The following UGT1A6 variants were observed in gnomAD, a reference collection of about 807,000 sequenced individuals.
UGT1A6 encodes the protein UDP-glucuronosyltransferase 1A6.
UGT1A6 carries 32 observed loss-of-function variants against 44.4 expected under a neutral mutation model. The ratio of observed to expected loss-of-function variants is 0.72; its 90% CI spans 0.54 to 0.97. The LOEUF is 0.97. Among genes scored for constraint, UGT1A6 ranks in the 50% least tolerant of loss-of-function variants. UGT1A6 has a pLI of 0.00. For missense variants in UGT1A6, 685 were observed against 661.9 expected (o/e 1.03, Z -0.38); for synonymous variants, 238 against 248.5 (o/e 0.96, Z 0.40).
At position 233,693,127 on chromosome 2, in the gene UGT1A6, T is replaced by A. The variant is rs779383196; in HGVS notation, c.123T>A (p.Ser41Arg). ...VVPQDGSHWLSMKDIVEVLSD... is the reference protein window; with the variant it reads ...VVPQDGSHWLRMKDIVEVLSD... Reference sequence around the variant, plus strand: ...CTCAGGACGGAAGCCACTGGCTTAGTATGAAGGATATAGTTGAGGTTCTCA... The same window carrying A: ...CTCAGGACGGAAGCCACTGGCTTAGAATGAAGGATATAGTTGAGGTTCTCA... Residue 41 changes from serine to arginine, a missense_variant, in exon 1 of 5, where the codon AGT (serine) becomes AGA (arginine). Ser to Arg is a moderately radical substitution (Grantham distance 110). Coordinates refer to ENST00000305139, the MANE Select transcript of UGT1A6 (RefSeq NM_001072.4). 1 of 1,614,216 alleles carries A rather than the reference T, an allele frequency of 6.2e-7. No individual in the cohort carries two copies. Among genetic ancestry groups the A allele is most frequent in the South Asian group, 1.1e-5 (1 of 91,072 alleles).
chr2:233,693,250 T>C lies in UGT1A6; in HGVS notation c.246T>C (p.Tyr82=), dbSNP rs139492272. The C allele has an allele frequency of 2.5e-6, 4 of 1,614,198 alleles. No individual in the cohort carries two copies. The African/African-American group carries it at 4.0e-5, about 16-fold the overall frequency. Residue 82 remains tyrosine (Y), a synonymous_variant, in exon 1 of 5, where the codon TAT becomes TAC. Coordinates refer to ENST00000305139, the MANE Select transcript of UGT1A6 (RefSeq NM_001072.4). ...CAAGAAAAATCTATCCAGTGCCGTA[T>C]GACCAAGAAGAGCTGAAGAACCGTT... ...YYTRKIYPVP[Y]DQEELKNRYQ...
At chr2:233,710,185 T>A (rs2076116992) in intron 1 of UGT1A6, among the ~76,000 whole-genome samples, 1 of 152,234 alleles carries the variant, frequency 6.6e-6, no homozygotes, top group Admixed American at 6.5e-5. Flanking sequence ...GATGGACATG[T>A]GGATAGTTTC....
intron 1 of UGT1A6, chr2:233,708,298 T>C (rs1286696664): frequency 6.6e-6 from 1 of 152,250 alleles, no homozygotes; most frequent in African/African-American, 2.4e-5. Context: ...CTTTCAGTTT[T>C]TGACAATCCA....
chr2:233,724,284 G>A (rs1369103408), intron 1 of UGT1A6, among the ~76,000 whole-genome samples: 103 of 126,932 alleles, frequency 8.1e-4, no homozygotes, highest in Middle Eastern at 4.7e-3. Context: ...GGCCGGGCGG[G>A]GGGCTGACCC....
chr2:233,759,175 A>G (rs970817812), intron 1 of UGT1A6, among the ~76,000 whole-genome samples: 3 of 152,178 alleles, frequency 2.0e-5, no homozygotes, highest in African/African-American at 7.2e-5. Context: ...GGCAGGTTTC[A>G]CGGCAAAAAG....
chr2:233,756,308 C>T (rs147116295), intron 1 of UGT1A6: 65 of 152,294 alleles, frequency 4.3e-4, no homozygotes, highest in African/African-American at 1.5e-3. Context: ...TATAACCTAC[C>T]CATATCCTCC....
chr2:233,698,174 G>T (rs370008696), intron 1 of UGT1A6, among the ~76,000 whole-genome samples: 2 of 152,246 alleles, frequency 1.3e-5, no homozygotes, highest in South Asian at 4.1e-4. Context: ...AGAACATTCT[G>T]TATTATGATA....
At chr2:233,768,912 T>C (rs923481624) in intron 4 of UGT1A6, among the ~76,000 whole-genome samples, 1 of 152,140 alleles carries the variant, frequency 6.6e-6, no homozygotes, top group African/African-American at 2.4e-5. Context: ...AATTTAGAGG[T>C]TATTATTCAC....
chr2:233,732,744 C>T (rs1207999893), intron 1 of UGT1A6, among the ~76,000 whole-genome samples: 2 of 150,716 alleles, frequency 1.3e-5, no homozygotes, highest in Non-Finnish European at 2.9e-5. Context: ...TAGCATGATG[C>T]CACCAGCTTT....
At chr2:233,743,223 T>C (rs879890998) in intron 1 of UGT1A6, 26 of 414,194 alleles carry the variant, frequency 6.3e-5, no homozygotes, top group Middle Eastern at 7.1e-4. Context: ...TGCTCTTTGC[T>C]ATTTATTATG....
intron 1 of UGT1A6, among the ~76,000 whole-genome samples, chr2:233,711,310 G>T (rs1337998039): frequency 6.6e-6 from 1 of 152,194 alleles, no homozygotes; most frequent in Non-Finnish European, 1.5e-5. Context: ...AGATGACATT[G>T]GTGTCTAAAC....
chr2:233,768,582 CTTTTTTTT>C (rs139595073), intron 4 of UGT1A6, 143 bp downstream of exon 4: 33 of 1,033,056 alleles, frequency 3.2e-5, no homozygotes, highest in Middle Eastern at 4.0e-4. Context: ...TTTATTTCTT[CTTTTTTTT>C]TTTTTTTTTT....
At chr2:233,750,199 CA>C (rs1448966489) in intron 1 of UGT1A6, among the ~76,000 whole-genome samples, 1 of 151,826 alleles carries the variant, frequency 6.6e-6, no homozygotes, top group Non-Finnish European at 1.5e-5. Flanking sequence ...CAATGAAGTC[CA>C]GGCTGAGTCT....
At chr2:233,761,124 C>G (rs1406825274) in intron 1 of UGT1A6, 1 of 1,614,202 alleles carries the variant, frequency 6.2e-7, no homozygotes. Flanking sequence ...GTGGAATCAA[C>G]TGCCTTCACC....
At chr2:233,725,418 C>T (rs1426524230) in intron 1 of UGT1A6, among the ~76,000 whole-genome samples, 1 of 151,350 alleles carries the variant, frequency 6.6e-6, no homozygotes, top group Non-Finnish European at 1.5e-5. Flanking sequence ...CAGAATTGTC[C>T]AATAGAAATA....
intron 4 of UGT1A6, 145 bp downstream of exon 4, chr2:233,768,584 T>TC: frequency 1.2e-5 from 1 of 86,896 alleles, no homozygotes; most frequent in Non-Finnish European, 1.4e-5. Flanking sequence ...TATTTCTTCT[T>TC]TTTTTTTTTT....
In UGT1A6 at chr2:233,772,791, C is replaced by A; in HGVS notation, c.*232C>A. On this transcript the variant is annotated 3_prime_UTR_variant, in exon 5 of 5. Coordinates refer to ENST00000305139, the MANE Select transcript of UGT1A6 (RefSeq NM_001072.4). ...CCTCTGGTGTCTTTGATCAGGATGACATGTGCCATTTTTCAGAGGACGTGC... is the reference window on the plus strand; with the variant it reads ...CCTCTGGTGTCTTTGATCAGGATGAAATGTGCCATTTTTCAGAGGACGTGC... The A allele has an allele frequency of 8.2e-7, 1 of 1,224,562 alleles. No individual in the cohort carries two copies. Among genetic ancestry groups the A allele is most frequent in the Non-Finnish European group, 1.1e-6 (1 of 921,630 alleles). 75.9% of individuals were successfully genotyped at this position (1,224,562 alleles called of 1,614,324 possible).
intron 1 of UGT1A6, among the ~76,000 whole-genome samples, chr2:233,756,943 A>G (rs1162189517): frequency 6.6e-6 from 1 of 152,066 alleles, no homozygotes; most frequent in Non-Finnish European, 1.5e-5. Context: ...CATAACCTGA[A>G]ACCCGGACTT....
chr2:233,705,916 C>A (rs1399675251), intron 1 of UGT1A6, among the ~76,000 whole-genome samples: 4 of 152,120 alleles, frequency 2.6e-5, no homozygotes, highest in Admixed American at 6.5e-5. Flanking sequence ...AGTGAAACTC[C>A]TTCTCTACTA....
Sources: gnomAD v4.1 joint callset for allele counts (sites outside exome capture counted in the v4.1 genomes callset) on GRCh38, gnomAD v4.1.1 for gene constraint, MANE v1.5 for transcripts, NCBI Gene and HGNC (gene_info 2026-07-23, HGNC 2026-07-21) for gene names.